The following PRKN variants were observed in gnomAD, a reference collection of about 807,000 sequenced individuals.
PRKN encodes the protein E3 ubiquitin-protein ligase parkin.
Under a neutral mutation model 59.5 loss-of-function variants are expected in PRKN, and 56 were observed. The ratio of observed to expected loss-of-function variants is 0.94; its 90% confidence interval spans 0.76 to 1.18. The LOEUF is 1.18. PRKN is among the 50% of genes most tolerant of loss of function. The pLI, the probability that PRKN is intolerant of heterozygous loss-of-function variation, is 0.00. For synonymous variants in PRKN, 250 were observed against 222.1 expected (o/e 1.13, Z -1.12); for missense variants, 657 against 596.4 (o/e 1.10, Z -1.06).
intron 1 of PRKN, among the ~76,000 whole-genome samples, chr6:162,704,280 C>T (rs537020594): frequency 1.3e-4 from 20 of 152,190 alleles, no homozygotes; most frequent in African/African-American, 4.6e-4. Context: ...TCTATGGGAA[C>T]GTCTGCCTTA....
chr6:161,787,237 T>C (rs1378251409), intron 6 of PRKN, among the ~76,000 whole-genome samples: 1 of 152,238 alleles, frequency 6.6e-6, no homozygotes, highest in Non-Finnish European at 1.5e-5. Context: ...TTATCCCACT[T>C]ACTTCAAAGC....
At chr6:162,367,627 G>A (rs915302703) in intron 2 of PRKN, among the ~76,000 whole-genome samples, 3 of 152,072 alleles carry the variant, frequency 2.0e-5, no homozygotes, top group Non-Finnish European at 2.9e-5. Context: ...TTATTTCACA[G>A]CTCTTTTCAG....
intron 7 of PRKN, among the ~76,000 whole-genome samples, chr6:161,608,079 C>T (rs961700471): frequency 2.0e-5 from 3 of 152,140 alleles, no homozygotes; most frequent in African/African-American, 4.8e-5. Flanking sequence ...ACCTGGCATT[C>T]GGGACAATGT....
intron 1 of PRKN, among the ~76,000 whole-genome samples, chr6:162,489,778 G>C (rs1467457194): frequency 6.6e-6 from 1 of 152,118 alleles, no homozygotes; most frequent in African/African-American, 2.4e-5. Flanking sequence ...AGGATGTGCT[G>C]TCCGTGCACT....
At chr6:161,615,287 C>T (rs961887538) in intron 7 of PRKN, among the ~76,000 whole-genome samples, 1 of 152,046 alleles carries the variant, frequency 6.6e-6, no homozygotes, top group Non-Finnish European at 1.5e-5. Flanking sequence ...CTCATCCACA[C>T]TTTTACAATA....
At chr6:162,156,751 C>A (rs1315562792) in intron 4 of PRKN, among the ~76,000 whole-genome samples, 5 of 152,108 alleles carry the variant, frequency 3.3e-5, no homozygotes, top group Admixed American at 6.5e-5. Flanking sequence ...TACTTTGCAT[C>A]CTTCAATCCA....
At chr6:161,695,656 G>A (rs1350839121) in intron 7 of PRKN, among the ~76,000 whole-genome samples, 1 of 152,182 alleles carries the variant, frequency 6.6e-6, no homozygotes, top group Non-Finnish European at 1.5e-5. Context: ...CATCTTTGTA[G>A]AGCAGAAGTC....
intron 4 of PRKN, among the ~76,000 whole-genome samples, chr6:162,096,228 C>G (rs1354405380): frequency 6.6e-6 from 1 of 152,112 alleles, no homozygotes; most frequent in Non-Finnish European, 1.5e-5. Context: ...CAAACACCTT[C>G]TAGAATGTCC....
At chr6:161,849,978 C>A (rs6900026) in intron 6 of PRKN, among the ~76,000 whole-genome samples, 1 of 151,666 alleles carries the variant, frequency 6.6e-6, no homozygotes, top group Non-Finnish European at 1.5e-5. Flanking sequence ...CAGCCCAGCA[C>A]AGTCCCAAGG....
At chr6:161,890,233 T>G (rs1021002826) in intron 6 of PRKN, among the ~76,000 whole-genome samples, 5 of 152,224 alleles carry the variant, frequency 3.3e-5, no homozygotes, top group Admixed American at 1.3e-4. Flanking sequence ...GATGCTATTT[T>G]TCAAAATCAG....
At chr6:162,613,044 G>C (rs1440818736) in intron 1 of PRKN, among the ~76,000 whole-genome samples, 1 of 152,166 alleles carries the variant, frequency 6.6e-6, no homozygotes, top group African/African-American at 2.4e-5. Flanking sequence ...AATTAATCCT[G>C]ACATGTTGCC....
Position 161,715,870 on chromosome 6 carries a change from G to A in PRKN, c.871+69902C>T, listed in dbSNP as rs995694811. Among the ~76,000 whole-genome samples the A allele has an allele frequency of 6.6e-5, 10 of 152,320 alleles. No homozygotes were observed. The South Asian group carries it at 2.1e-3, about 32-fold the overall frequency. On this transcript the variant is annotated intron_variant, in intron 7 of 11. Transcript: ENST00000366898. ...GGACCCTCTGCTCTGCTGTTTGCCAGAGCAGTAGCTCTCAGGGACTCCACA... is the reference window on the plus strand; with the variant it reads ...GGACCCTCTGCTCTGCTGTTTGCCAAAGCAGTAGCTCTCAGGGACTCCACA...
At chr6:162,429,980 C>T (rs1473900650) in intron 2 of PRKN, among the ~76,000 whole-genome samples, 1 of 152,124 alleles carries the variant, frequency 6.6e-6, no homozygotes, top group Non-Finnish European at 1.5e-5. Flanking sequence ...AGTGCCAGAC[C>T]TTTGCATCTT....
At chr6:162,112,595 A>C (rs963387513) in intron 4 of PRKN, among the ~76,000 whole-genome samples, 1 of 152,120 alleles carries the variant, frequency 6.6e-6, no homozygotes, top group Non-Finnish European at 1.5e-5. Context: ...CTTTGAAGAC[A>C]GTAATTAGGT....
chr6:161,858,858 C>CTTTTTT lies in PRKN; in HGVS notation c.735-72956_735-72951dup, dbSNP rs71544920. On this transcript the variant is annotated intron_variant, in intron 6 of 11. Transcript: ENST00000366898. ...CTTTCAATTAACTAGCACAGCTGTA[C>CTTTTTT]TTTTTTTTTTTTTTTTTTTTGAGAC... is the stretch of plus-strand genomic sequence containing the variant. Among the ~76,000 whole-genome samples the CTTTTTT allele has an allele frequency of 1.9e-4, 14 of 71,936 alleles. 1 individual carries two copies. The highest frequency in any genetic ancestry group is 3.5e-4 in the Admixed American group (2 of 5,724). 47.2% of individuals were successfully genotyped at this position (71,936 alleles called of 152,430 possible).
At chr6:161,501,771 GTGGC>G (rs1211374358) in intron 9 of PRKN, among the ~76,000 whole-genome samples, 1 of 152,178 alleles carries the variant, frequency 6.6e-6, no homozygotes, top group Non-Finnish European at 1.5e-5. Flanking sequence ...ACAAGGCTCA[GTGGC>G]TTCTTGAGCC....
At chr6:161,825,130 C>T (rs940142161) in intron 6 of PRKN, among the ~76,000 whole-genome samples, 1 of 151,926 alleles carries the variant, frequency 6.6e-6, no homozygotes, top group Non-Finnish European at 1.5e-5. Flanking sequence ...ATTTTCTATT[C>T]TTTTTATACA....
intron 7 of PRKN, among the ~76,000 whole-genome samples, chr6:161,647,182 C>T (rs964559016): frequency 2.6e-5 from 4 of 152,172 alleles, no homozygotes; most frequent in African/African-American, 9.7e-5. Flanking sequence ...CGAACCCTTC[C>T]CTGAGACGTA....
Position 161,348,795 on chromosome 6 carries a change from AGTG to A in PRKN, c.*1301_*1303del, listed in dbSNP as rs1401509121. ...AGACAATACAGGTAGAACAAAAGATAGTGGTTGTACTTTCTCTTCTGCGTAGTG... is the reference window on the plus strand; with the variant it reads ...AGACAATACAGGTAGAACAAAAGATAGTTGTACTTTCTCTTCTGCGTAGTG... On this transcript the variant is annotated 3_prime_UTR_variant, in exon 12 of 12. Transcript: ENST00000366898. This position sits in a 1 kb window ranked among gnomAD's most constrained non-coding sequence, Gnocchi z 4.9. 1 of 210,162 alleles carries A rather than the reference AGTG, an allele frequency of 4.8e-6. No homozygotes were observed. The highest frequency in any genetic ancestry group is 2.3e-5 in the African/African-American group (1 of 43,980). The allele number at this position is 210,162 out of a possible 1,614,324, so 13.0% of individuals were successfully genotyped here. A position where few individuals can be genotyped will look rare whatever the true frequency, so the allele number is the denominator to read the frequency against.
Sources: allele counts gnomAD v4.1 joint callset (sites outside exome capture counted in the v4.1 genomes callset), GRCh38; gene constraint gnomAD v4.1.1; non-coding constraint Gnocchi (gnomAD v3.1); transcripts MANE v1.5; gene names NCBI Gene and HGNC (gene_info 2026-07-23, HGNC 2026-07-21).